TPRG1: variants seen among roughly 807,000 people sequenced by gnomAD.
TPRG1 encodes the protein tumor protein p63-regulated gene 1 protein.
In TPRG1, 29 loss-of-function variants were observed where a neutral mutation model predicts 29.3. The observed-to-expected ratio is 0.99, with a 90% CI of 0.74 to 1.35. The LOEUF (loss-of-function observed/expected upper bound fraction) is 1.35, where lower values mean the gene tolerates loss of function less well. Ranked by LOEUF, TPRG1 falls within the 40% of genes most tolerant of loss-of-function variation. The pLI, the probability that TPRG1 is intolerant of heterozygous loss-of-function variation, is 0.00. For missense variants in TPRG1, 327 were observed against 335.0 expected, an observed-to-expected ratio of 0.98 and a Z score of 0.19; for synonymous variants, 130 against 116.8, an observed-to-expected ratio of 1.11 and a Z score of -0.73.
intron 3 of TPRG1, among the ~76,000 whole-genome samples, chr3:189,142,607 C>T (rs1347190767): frequency 1.3e-5 from 2 of 152,166 alleles, no homozygotes. Context: ...AGTGAGGGGT[C>T]AGCAGCTTCT....
chr3:189,151,859 C>G (rs919875566), intron 5 of TPRG1, among the ~76,000 whole-genome samples: 9 of 151,924 alleles, frequency 5.9e-5, no homozygotes, highest in Non-Finnish European at 1.3e-4. Flanking sequence ...CCATCCTGGG[C>G]GAGAGAGCAT....
intron 4 of TPRG1, among the ~76,000 whole-genome samples, chr3:189,026,370 C>T (rs1713662385): frequency 6.6e-6 from 1 of 152,172 alleles, no homozygotes; most frequent in Non-Finnish European, 1.5e-5. Context: ...TCTCATTTAA[C>T]CTTAGACCTC....
chr3:189,030,364 AT>A (rs927627882), intron 4 of TPRG1, among the ~76,000 whole-genome samples: 3 of 152,140 alleles, frequency 2.0e-5, no homozygotes, highest in Non-Finnish European at 4.4e-5. Flanking sequence ...GATGTCTTGG[AT>A]TTTTTTCTGG....
chr3:189,165,301 T>C (rs1212533732), intron 5 of TPRG1, among the ~76,000 whole-genome samples: 5 of 152,038 alleles, frequency 3.3e-5, no homozygotes, highest in South Asian at 2.1e-4. Flanking sequence ...GTTTTACTGC[T>C]GTTTCCTTAC....
chr3:189,043,074 A>G (rs563124215), intron 4 of TPRG1, among the ~76,000 whole-genome samples: 5 of 152,204 alleles, frequency 3.3e-5, no homozygotes, highest in Non-Finnish European at 7.3e-5. Flanking sequence ...TCTGCTAACT[A>G]TAAGGCCTTT....
chr3:189,320,561 G>C (rs920963756), intron 5 of TPRG1, 65 bp from the exon 6 acceptor site: 17 of 1,411,998 alleles, frequency 1.2e-5, no homozygotes, highest in Non-Finnish European at 1.4e-5. Flanking sequence ...ACTGGCTGGG[G>C]AGATGAGTAT....
At chr3:189,310,345 A>C in intron 4 of TPRG1, 41 bp from the exon 5 acceptor site, 2 of 1,482,612 alleles carry the variant, frequency 1.3e-6, no homozygotes, top group Non-Finnish European at 1.8e-6. Context: ...TTTTTTTGGA[A>C]ATGGAAATGA....
At chr3:189,286,120 T>A (rs75741710) in intron 4 of TPRG1, among the ~76,000 whole-genome samples, 4,696 of 152,090 alleles carry the variant, frequency 0.031, 248 homozygotes, top group African/African-American at 0.11. Flanking sequence ...AAAAAATGCT[T>A]CTGGTTTCAG....
rs1230511572 is a variant in TPRG1, at chr3:189,078,044, CT to C, written c.-462-49011del. Among the ~76,000 whole-genome samples the C allele has an allele frequency of 9.6e-3, 1,429 of 148,330 alleles. 32 individuals are homozygous for C. The highest frequency in any genetic ancestry group is 0.035 in the African/African-American group (1,363 of 39,210). On this transcript the variant is annotated intron_variant, in intron 4 of 10. Transcript: ENST00000433971. ...CCTTCCTTCCTTCCTTCCTTCCTTCCTTCCTTCCTTCCTTCCTTTCTCTCCT... is the reference window on the plus strand; with the variant it reads ...CCTTCCTTCCTTCCTTCCTTCCTTCCTCCTTCCTTCCTTCCTTTCTCTCCT...
intron 1 of TPRG1, among the ~76,000 whole-genome samples, chr3:189,120,772 C>T (rs557894795): frequency 3.3e-4 from 51 of 152,248 alleles, no homozygotes; most frequent in African/African-American, 1.2e-3. Flanking sequence ...TAAATTATAG[C>T]TGAAAGGCAA....
intron 4 of TPRG1, among the ~76,000 whole-genome samples, chr3:189,063,120 C>T (rs1007697010): frequency 2.0e-5 from 3 of 151,886 alleles, no homozygotes; most frequent in Non-Finnish European, 2.9e-5. Flanking sequence ...GTATTAATAT[C>T]TAATAAAGTG....
chr3:189,023,376 T>G (rs1222525699), intron 3 of TPRG1, among the ~76,000 whole-genome samples: 1 of 152,262 alleles, frequency 6.6e-6, no homozygotes, highest in Middle Eastern at 3.2e-3. Context: ...CTATACTGGC[T>G]GTTTTTGCTG....
rs949574813 is a variant in TPRG1, at chr3:189,254,145, T to C, written c.479+15236T>C. Among the ~76,000 whole-genome samples, 12 of 152,366 alleles carry C rather than the reference T, an allele frequency of 7.9e-5. No individual in the cohort carries two copies. In the East Asian group the frequency reaches 2.1e-3, roughly 27 times the overall value. On this transcript the variant is annotated intron_variant, in intron 4 of 5. Coordinates refer to ENST00000345063, the MANE Select transcript of TPRG1 (RefSeq NM_198485.4). ...CCTAGGTTTTCTTTTAGGATTTTTATGGTTTTAGGTCTTATGTTTAATTCT... is the reference window on the plus strand; with the variant it reads ...CCTAGGTTTTCTTTTAGGATTTTTACGGTTTTAGGTCTTATGTTTAATTCT...
At chr3:189,097,961 G>A (rs1718797934), upstream of TPRG1, among the ~76,000 whole-genome samples, 1 of 152,164 alleles carries the variant, frequency 6.6e-6, no homozygotes, top group Non-Finnish European at 1.5e-5. Context: ...AAAAAGGCCT[G>A]TTTGTACTAG....
chr3:189,241,638 A>C (rs904262892), intron 4 of TPRG1, among the ~76,000 whole-genome samples: 1 of 152,102 alleles, frequency 6.6e-6, no homozygotes, highest in East Asian at 1.9e-4. Flanking sequence ...CAAAATATCA[A>C]CCTGGACTCT....
intron 4 of TPRG1, among the ~76,000 whole-genome samples, chr3:189,025,466 T>TTGC (rs1713608754): frequency 6.6e-6 from 1 of 152,238 alleles, no homozygotes; most frequent in South Asian, 2.1e-4. Flanking sequence ...CTGTATTTAC[T>TTGC]TGCTCCCTTT....
intron 5 of TPRG1, among the ~76,000 whole-genome samples, chr3:189,312,225 G>A (rs967987182): frequency 1.7e-5 from 2 of 120,010 alleles, no homozygotes; most frequent in East Asian, 2.5e-4. Flanking sequence ...TTCTTAAGAC[G>A]GAGTCTCGCT....
intron 3 of TPRG1, chr3:189,219,642 C>A (rs1485373378): frequency 1.6e-6 from 2 of 1,288,154 alleles, no homozygotes; most frequent in Non-Finnish European, 2.0e-6. Flanking sequence ...GATATGATGG[C>A]AATAAAGTGG....
At chr3:189,190,827 AT>A in intron 1 of TPRG1, 1 of 273,314 alleles carries the variant, frequency 3.7e-6, no homozygotes, top group Non-Finnish European at 5.6e-6. Context: ...GAGTTCTTTC[AT>A]TAATCTTTCC....
Sources: gnomAD v4.1 joint callset for allele counts (sites outside exome capture counted in the v4.1 genomes callset) on GRCh38, gnomAD v4.1.1 for gene constraint, MANE v1.5 for transcripts, NCBI Gene and HGNC (gene_info 2026-07-23, HGNC 2026-07-21) for gene names.